Variants in CHL1 observed in about 807,000 individuals in gnomAD.
CHL1 encodes the protein neural cell adhesion molecule L1-like protein.
Under a neutral mutation model 141.9 loss-of-function variants are expected in CHL1, and 96 were observed. The ratio of observed to expected loss-of-function variants is 0.68; its 90% confidence interval spans 0.57 to 0.80. The LOEUF is 0.80. CHL1 is among the 30% of genes least tolerant of loss of function. CHL1 has a pLI of 0.00. For missense variants in CHL1, 1,820 were observed against 1,457.2 expected (o/e 1.25, Z -4.05); for synonymous variants, 613 against 502.2 (o/e 1.22, Z -2.95).
In CHL1 at chr3:382,278, G is replaced by C. The variant is rs1477484328; in HGVS notation, c.1976G>C (p.Ser659Thr). 3 of 1,612,540 alleles carry C rather than the reference G, an allele frequency of 1.9e-6. No individual in the cohort carries two copies. In the South Asian group the frequency reaches 3.3e-5, roughly 18 times the overall value. ...GGAGCTGACCACAACAGCAATATTAGCGGTAGGAAGACTTGGGATAACTGT... is the reference window on the plus strand; with the variant it reads ...GGAGCTGACCACAACAGCAATATTACCGGTAGGAAGACTTGGGATAACTGT... Reference protein sequence around the residue: ...EAGADHNSNISEYIVEFEGNK... With the variant: ...EAGADHNSNITEYIVEFEGNK... Residue 659 changes from serine to threonine, a missense_variant and splice_region_variant, in exon 17 of 28, where the codon AGC (serine) becomes ACC (threonine). Physicochemically the swap from Ser to Thr is moderately conservative, Grantham distance 58 (BLOSUM62 1). Coordinates refer to ENST00000256509, the MANE Select transcript of CHL1 (RefSeq NM_006614.4).
At chr3:256,454 C>T (rs1694184408) in intron 2 of CHL1, among the ~76,000 whole-genome samples, 1 of 152,080 alleles carries the variant, frequency 6.6e-6, no homozygotes, top group Non-Finnish European at 1.5e-5. Context: ...GAGAAAAAGG[C>T]CTTAGAGTAG....
intron 2 of CHL1, among the ~76,000 whole-genome samples, chr3:292,737 T>C (rs543744618): frequency 8.5e-5 from 13 of 152,166 alleles, no homozygotes; most frequent in Non-Finnish European, 1.3e-4. Context: ...TGGTGGAAGG[T>C]GAAGCGGAAG....
At chr3:237,517 A>G (rs545822465) in intron 1 of CHL1, among the ~76,000 whole-genome samples, 5 of 152,224 alleles carry the variant, frequency 3.3e-5, no homozygotes, top group Admixed American at 3.3e-4. Context: ...ATCAGTATGG[A>G]GTCCTTTTCT....
intron 27 of CHL1, among the ~76,000 whole-genome samples, chr3:403,305 G>T (rs1709287180): frequency 6.6e-6 from 1 of 152,152 alleles, no homozygotes; most frequent in African/African-American, 2.4e-5. Context: ...CCTAATATTG[G>T]AAGTGATATC....
Position 215,599 on chromosome 3 carries a change from C to T in CHL1, c.-175+18536C>T, listed in dbSNP as rs189112518. ...AATAATGTTTCAGGAGACGGATATG[C>T]GAAAGCCAATGTACACATGTATCCA... On this transcript the variant is annotated intron_variant, in intron 1 of 27. Coordinates refer to ENST00000256509, the MANE Select transcript of CHL1 (RefSeq NM_006614.4). Among the ~76,000 whole-genome samples, 50 of 152,198 alleles carry T rather than the reference C, an allele frequency of 3.3e-4. 1 individual carries two copies. Among genetic ancestry groups the T allele is most frequent in the African/African-American group, 1.1e-3 (47 of 41,522 alleles).
At chr3:249,772 T>C (rs1273343753) in intron 2 of CHL1, among the ~76,000 whole-genome samples, 2 of 152,164 alleles carry the variant, frequency 1.3e-5, no homozygotes, top group African/African-American at 2.4e-5. Context: ...ATACTAATTG[T>C]TAACTTCCTG....
chr3:237,904 C>T (rs997580773), intron 1 of CHL1, among the ~76,000 whole-genome samples: 1 of 152,124 alleles, frequency 6.6e-6, no homozygotes, highest in East Asian at 1.9e-4. Context: ...ATTTAGAATG[C>T]TCTTTCAGAA....
chr3:221,217 C>T (rs533117636), intron 1 of CHL1, among the ~76,000 whole-genome samples: 2 of 152,334 alleles, frequency 1.3e-5, no homozygotes, highest in Middle Eastern at 3.4e-3. Context: ...ACCTTGGGCA[C>T]GTGTTCTCAG....
At chr3:330,828 CT>C (rs1195011627) in intron 5 of CHL1, among the ~76,000 whole-genome samples, 1 of 152,140 alleles carries the variant, frequency 6.6e-6, no homozygotes, top group African/African-American at 2.4e-5. Context: ...CAAGATTCAG[CT>C]TAATTCAGGA....
intron 1 of CHL1, among the ~76,000 whole-genome samples, chr3:224,861 T>C (rs545163423): frequency 1.2e-3 from 189 of 152,248 alleles, no homozygotes; most frequent in African/African-American, 4.2e-3. Context: ...CAGAGCCGGG[T>C]GCAGTGGCTC....
At chr3:353,292 A>C (rs1703421476) in intron 10 of CHL1, among the ~76,000 whole-genome samples, 1 of 152,222 alleles carries the variant, frequency 6.6e-6, no homozygotes. Context: ...GTTCATGTTC[A>C]TGGAATATTT....
rs149174983 is a variant in CHL1, at chr3:245,366, T to A, written c.-95+674T>A. On this transcript the variant is annotated intron_variant, in intron 2 of 27. Transcript: ENST00000256509. ...TGACCCATTTTGTAAATCATAAAAC[T>A]GGAATAATAGTTGTAACTGCCTACA... is the stretch of plus-strand genomic sequence containing the variant. Among the ~76,000 whole-genome samples the A allele has an allele frequency of 4.7e-4, 72 of 152,284 alleles. No individual in the cohort carries two copies. The East Asian group carries it at 0.01, about 22-fold the overall frequency.
chr3:232,710 T>G (rs1441528881), intron 1 of CHL1, among the ~76,000 whole-genome samples: 1 of 152,080 alleles, frequency 6.6e-6, no homozygotes, highest in African/African-American at 2.4e-5. Context: ...TATATTCTCA[T>G]TGCCACCCTG....
chr3:389,124 G>T (rs920217083), intron 19 of CHL1, 128 bp from the exon 20 acceptor site: 1 of 745,432 alleles, frequency 1.3e-6, no homozygotes, highest in Non-Finnish European at 2.2e-6. Flanking sequence ...CCAAGAAGGG[G>T]GATTTAAGAT....
intron 1 of CHL1, among the ~76,000 whole-genome samples, chr3:212,587 TG>T (rs1699988580): frequency 1.3e-5 from 2 of 152,238 alleles, no homozygotes; most frequent in African/African-American, 4.8e-5. Context: ...CTTGTCACTT[TG>T]ACCATGATGT....
chr3:310,592 G>C (rs974249155), intron 2 of CHL1, among the ~76,000 whole-genome samples: 1 of 151,966 alleles, frequency 6.6e-6, no homozygotes, highest in African/African-American at 2.4e-5. Flanking sequence ...TCATTTTTTA[G>C]TGTTGTTTTA....
chr3:345,963 C>G (rs562824756), intron 9 of CHL1, among the ~76,000 whole-genome samples: 4 of 152,154 alleles, frequency 2.6e-5, no homozygotes, highest in Non-Finnish European at 5.9e-5. Context: ...ACGGTCCTTC[C>G]CTACCATTGA....
chr3:333,999 C>T (rs1341014363), intron 5 of CHL1, among the ~76,000 whole-genome samples: 1 of 151,962 alleles, frequency 6.6e-6, no homozygotes, highest in African/African-American at 2.4e-5. Context: ...CTCTGTTGCC[C>T]AGGCTAGAGT....
chr3:290,431 A>T (rs1409561908), intron 2 of CHL1, among the ~76,000 whole-genome samples: 1 of 152,222 alleles, frequency 6.6e-6, no homozygotes, highest in African/African-American at 2.4e-5. Flanking sequence ...GAGAACAGAC[A>T]GTATTTATAT....
Sources: gnomAD v4.1 joint callset for allele counts (sites outside exome capture counted in the v4.1 genomes callset) on GRCh38, gnomAD v4.1.1 for gene constraint, MANE v1.5 for transcripts, NCBI Gene and HGNC (gene_info 2026-07-23, HGNC 2026-07-21) for gene names.